HHIPL1: variants seen among roughly 807,000 people sequenced by gnomAD.
The protein encoded by HHIPL1 is HHIP like 1, also known as HHIP-like protein 1.
HHIPL1 carries 43 observed loss-of-function variants against 61.8 expected under a neutral mutation model. That is an observed-to-expected ratio of 0.70 (90% CI 0.55 to 0.90). HHIPL1 has a LOEUF of 0.90. HHIPL1 is among the 40% of genes least tolerant of loss of function. HHIPL1 has a pLI of 0.00. For missense variants in HHIPL1, 1,056 were observed against 1,157.7 expected (o/e 0.91, Z 1.28); for synonymous variants, 482 against 515.8 (o/e 0.93, Z 0.89).
At chr14:99,654,344 A>G (rs1223652683) in intron 2 of HHIPL1, among the ~76,000 whole-genome samples, 1 of 152,218 alleles carries the variant, frequency 6.6e-6, no homozygotes, top group East Asian at 1.9e-4. Context: ...GGGGACACCC[A>G]GTGGAAGCTG....
At chr14:99,615,368 G>A in the HHIPL1 span, among the ~76,000 whole-genome samples, 1 of 152,202 alleles carries the variant, frequency 6.6e-6, no homozygotes, top group African/African-American at 2.4e-5. Context: ...GCAACATGAG[G>A]AAACCCTATC....
chr14:99,667,435 C>A (rs1480745090), intron 6 of HHIPL1, among the ~76,000 whole-genome samples: 2 of 151,974 alleles, frequency 1.3e-5, no homozygotes, highest in African/African-American at 2.4e-5. Flanking sequence ...GCAGGGAGAA[C>A]CCACGTTCCC....
At chr14:99,616,979 C>T in the HHIPL1 span, among the ~76,000 whole-genome samples, 1 of 152,100 alleles carries the variant, frequency 6.6e-6, no homozygotes, top group Non-Finnish European at 1.5e-5. Context: ...GAGCTGAGAA[C>T]AACCAGGGAG....
chr14:99,627,869 A>T, the HHIPL1 span, among the ~76,000 whole-genome samples: 47 of 152,178 alleles, frequency 3.1e-4, 1 homozygote, highest in African/African-American at 9.9e-4. This position sits in a 1 kb window ranked among gnomAD's most constrained non-coding sequence, Gnocchi z 4.4. Flanking sequence ...GAGCAGAGTC[A>T]GTGAGGTCAG....
At chr14:99,621,445 T>C in the HHIPL1 span, among the ~76,000 whole-genome samples, 1 of 152,294 alleles carries the variant, frequency 6.6e-6, no homozygotes, top group East Asian at 1.9e-4. Flanking sequence ...GGATGCCTGT[T>C]CCTGGGTGGG....
At chr14:99,641,440 G>A (rs1392189125), upstream of HHIPL1, among the ~76,000 whole-genome samples, 1 of 145,128 alleles carries the variant, frequency 6.9e-6, no homozygotes, top group African/African-American at 2.5e-5. Context: ...TTTTCACAGA[G>A]TCTCGTTCTG....
In HHIPL1 at chr14:99,660,292, C is replaced by CGA; in HGVS notation, c.1389_1390dup (p.Ile464ArgfsTer27). ...TCCCACCCCGCAGATGACTTGCTGC[C>CGA]GATTTTCGCCTACCCGCACACGGTT... On this transcript the variant is annotated frameshift_variant, in exon 5 of 9. Transcript: ENST00000330710. LOFTEE classifies it high-confidence loss of function. This position sits in a 1 kb window ranked among gnomAD's most constrained non-coding sequence, Gnocchi z 4.9. 6.2e-7 allele frequency: 1 copy of CGA among 1,614,072 alleles called. No homozygotes were observed.
chr14:99,630,866 A>G, the HHIPL1 span, among the ~76,000 whole-genome samples: 2 of 152,106 alleles, frequency 1.3e-5, no homozygotes, highest in Non-Finnish European at 1.5e-5. Context: ...GGCTGCTGGC[A>G]ATCCTGGTGT....
rs1237788607 is a variant in HHIPL1, at chr14:99,676,798, C to T, written c.*1172C>T. The T allele has an allele frequency of 6.6e-6, 1 of 152,102 alleles. No homozygotes were observed. The highest frequency in any genetic ancestry group is 1.5e-5 in the Non-Finnish European group (1 of 68,018). The allele number at this position is 152,102 out of a possible 1,614,324, so 9.4% of individuals were successfully genotyped here. A position where few individuals can be genotyped will look rare whatever the true frequency, so the allele number is the denominator to read the frequency against. On this transcript the variant is annotated 3_prime_UTR_variant, in exon 9 of 9. Coordinates refer to ENST00000330710, the MANE Select transcript of HHIPL1 (RefSeq NM_001127258.3). Reference sequence around the variant, plus strand: ...GAAGCTCCTTCACTCCAGGGATGCTCGGCCCTGGCTCTGTGCCAGGCCGCA... The same window carrying T: ...GAAGCTCCTTCACTCCAGGGATGCTTGGCCCTGGCTCTGTGCCAGGCCGCA...
At chr14:99,637,081 A>G in the HHIPL1 span, among the ~76,000 whole-genome samples, 2 of 115,620 alleles carry the variant, frequency 1.7e-5, no homozygotes, top group African/African-American at 6.8e-5. Context: ...AAAGAGAGAG[A>G]AAGAAAGAAA....
Position 99,652,609 on chromosome 14 carries a change from A to T in HHIPL1, c.641A>T (p.Gln214Leu). ...DGTHRFFVAE[Q>L]VGLVWAYLPD... is the part of the protein sequence containing the mutation. The stretch of plus-strand genomic sequence containing the variant: ...ACCCACCGCTTCTTCGTGGCCGAGC[A>T]GGTGGGGCTGGTGTGGGCCTACCTG... Residue 214 changes from glutamine (Q) to leucine (L), a missense_variant, in exon 2 of 9, where the codon CAG (glutamine) becomes CTG (leucine). Coordinates refer to ENST00000330710, the MANE Select transcript of HHIPL1 (RefSeq NM_001127258.3). The T allele has an allele frequency of 6.2e-7, 1 of 1,613,466 alleles. No individual in the cohort carries two copies. The highest frequency in any genetic ancestry group is 8.5e-7 in the Non-Finnish European group (1 of 1,179,810).
rs561488353 is a variant in HHIPL1, at chr14:99,659,503, C to G, written c.1122C>G (p.Pro374=). Reference sequence around the variant, plus strand: ...GCGGCCTGCCCTACGGCATCCCGCCCGACAACCCGTTCGTGGGCGACCCCG... The same window carrying G: ...GCGGCCTGCCCTACGGCATCCCGCCGGACAACCCGTTCGTGGGCGACCCCG... ...KERGLPYGIP[P]DNPFVGDPAA... The change falls in exon 4 of 9, where the codon CCC becomes CCG. Residue 374 remains proline, a synonymous_variant. Coordinates refer to ENST00000330710, the MANE Select transcript of HHIPL1 (RefSeq NM_001127258.3). 4.6e-5 allele frequency: 71 copies of G among 1,541,302 alleles called. No homozygotes were observed. Among genetic ancestry groups the G allele is most frequent in the Non-Finnish European group, 6.2e-5 (71 of 1,148,124 alleles).
chr14:99,630,365 C>T, the HHIPL1 span, among the ~76,000 whole-genome samples: 1 of 152,234 alleles, frequency 6.6e-6, no homozygotes, highest in African/African-American at 2.4e-5. Context: ...TCCGCCTCCT[C>T]TGTCAGCCTT....
chr14:99,639,095 C>A, the HHIPL1 span, among the ~76,000 whole-genome samples: 1 of 152,238 alleles, frequency 6.6e-6, no homozygotes, highest in Admixed American at 6.5e-5. Context: ...ATGTCATACC[C>A]TGGGAGCTCA....
chr14:99,644,941 A>C (rs2055803261), upstream of HHIPL1, among the ~76,000 whole-genome samples: 1 of 152,146 alleles, frequency 6.6e-6, no homozygotes, highest in Admixed American at 6.5e-5. Context: ...CCGGGAAAAC[A>C]CACCGGGGCT....
the HHIPL1 span, among the ~76,000 whole-genome samples, chr14:99,630,821 A>G: frequency 2.0e-5 from 3 of 152,052 alleles, no homozygotes; most frequent in African/African-American, 7.2e-5. Context: ...TACAAAGTCG[A>G]TATTCTGTCC....
At chr14:99,605,048 ACT>A in the HHIPL1 span, among the ~76,000 whole-genome samples, 2 of 151,708 alleles carry the variant, frequency 1.3e-5, no homozygotes, top group African/African-American at 2.4e-5. Context: ...CGCGGTCAGT[ACT>A]CTCTGCCCCG....
At chr14:99,630,206 G>A in the HHIPL1 span, among the ~76,000 whole-genome samples, 1,221 of 152,322 alleles carry the variant, frequency 8.0e-3, 11 homozygotes, top group Non-Finnish European at 0.014. Context: ...CTCAGCATTG[G>A]GCAGGGCACT....
chr14:99,654,975 G>C (rs1465815627), intron 2 of HHIPL1, among the ~76,000 whole-genome samples: 1 of 152,176 alleles, frequency 6.6e-6, no homozygotes, highest in Admixed American at 6.5e-5. Flanking sequence ...CAGAGTGGGG[G>C]CTCAGCAAAG....
Sources: gnomAD v4.1 joint callset for allele counts (sites outside exome capture counted in the v4.1 genomes callset) on GRCh38, gnomAD v4.1.1 for gene constraint, Gnocchi (gnomAD v3.1) non-coding constraint, MANE v1.5 for transcripts, NCBI Gene and HGNC (gene_info 2026-07-23, HGNC 2026-07-21) for gene names.